The following SND1 variants were observed in gnomAD, a reference collection of about 807,000 sequenced individuals.
The protein encoded by SND1 is staphylococcal nuclease domain-containing protein 1.
A neutral mutation model predicts 121.7 loss-of-function variants in SND1; 38 were observed. The ratio of observed to expected loss-of-function variants is 0.31; its 90% CI spans 0.24 to 0.41. The LOEUF is 0.41. Among genes scored for constraint, SND1 ranks in the 10% least tolerant of loss-of-function variants. The probability of loss-of-function intolerance (pLI) is 1.00; values close to 1 mark genes in which losing one functional copy is unlikely to be tolerated. For missense variants in SND1, 868 were observed against 1,184.6 expected (o/e 0.73, Z 3.92); for synonymous variants, 401 against 447.4 (o/e 0.90, Z 1.31).
intron 14 of SND1, among the ~76,000 whole-genome samples, chr7:127,906,761 C>T (rs1800350781): frequency 6.6e-6 from 1 of 152,184 alleles, no homozygotes. Context: ...CAGGGTTGTC[C>T]TCTCCACACC....
chr7:127,855,945 T>C (rs1799265102), intron 12 of SND1, among the ~76,000 whole-genome samples: 5 of 152,236 alleles, frequency 3.3e-5, no homozygotes, highest in Admixed American at 3.3e-4. Context: ...CATTGGATTA[T>C]GGTTGAGGAC....
intron 10 of SND1, among the ~76,000 whole-genome samples, chr7:127,750,483 G>T (rs34529483): frequency 6.6e-6 from 1 of 152,334 alleles, no homozygotes; most frequent in East Asian, 1.9e-4. Flanking sequence ...ACTACCCTCA[G>T]TGGGGTTGTG....
At chr7:127,789,778 G>A (rs1468853603) in intron 10 of SND1, among the ~76,000 whole-genome samples, 1 of 152,152 alleles carries the variant, frequency 6.6e-6, no homozygotes, top group Non-Finnish European at 1.5e-5. Flanking sequence ...TGTTTATGTT[G>A]TTGATCCTTC....
At chr7:127,700,995 G>A (rs1796090364) in intron 4 of SND1, among the ~76,000 whole-genome samples, 168 bp from the exon 5 acceptor site, 1 of 152,122 alleles carries the variant, frequency 6.6e-6, no homozygotes, top group South Asian at 2.1e-4. Flanking sequence ...TCTAGAAATT[G>A]CAATCATGGT....
chr7:127,981,057 ACTC>A (rs1194974235), intron 15 of SND1, among the ~76,000 whole-genome samples: 2 of 151,760 alleles, frequency 1.3e-5, no homozygotes, highest in African/African-American at 4.8e-5. Flanking sequence ...ATAGAAACCA[ACTC>A]CTCCTCCTTG....
At chr7:127,793,611 G>A (rs1797956113) in intron 10 of SND1, among the ~76,000 whole-genome samples, 1 of 152,092 alleles carries the variant, frequency 6.6e-6, no homozygotes, top group Admixed American at 6.5e-5. Flanking sequence ...TTGTTAAACA[G>A]GCACCATTTC....
chr7:127,691,554 A>C lies in SND1; in HGVS notation c.229-3274A>C, dbSNP rs1795915709. ...CGAGACTCCGTCTCAAAAATAAATA[A>C]ATAATTAAATAAAACAAACTAAAAG... is the stretch of plus-strand genomic sequence containing the variant. On this transcript the variant is annotated intron_variant, in intron 2 of 23. Coordinates refer to ENST00000354725, the MANE Select transcript of SND1 (RefSeq NM_014390.4). Among the ~76,000 whole-genome samples, 4 of 152,072 alleles carry C rather than the reference A, an allele frequency of 2.6e-5. No homozygotes were observed. In the South Asian group the frequency reaches 8.3e-4, roughly 32 times the overall value.
At chr7:127,960,621 T>C (rs540005389) in intron 15 of SND1, among the ~76,000 whole-genome samples, 146 of 152,354 alleles carry the variant, frequency 9.6e-4, no homozygotes, top group Non-Finnish European at 1.7e-3. Context: ...CATTCAGCTA[T>C]ATTCTGTAGC....
At chr7:127,834,576 AT>A (rs1201409405) in intron 11 of SND1, among the ~76,000 whole-genome samples, 1 of 152,282 alleles carries the variant, frequency 6.6e-6, no homozygotes, top group African/African-American at 2.4e-5. Context: ...ACCTTGCTTC[AT>A]TTAGTAGGCC....
At chr7:128,028,866 C>T (rs1792482687) in intron 16 of SND1, 2 of 1,614,188 alleles carry the variant, frequency 1.2e-6, no homozygotes, top group Non-Finnish European at 1.7e-6. Context: ...TGCCCCCTCA[C>T]CTGATACACC....
chr7:127,685,749 T>C (rs1222723934), intron 1 of SND1, among the ~76,000 whole-genome samples: 1 of 152,316 alleles, frequency 6.6e-6, no homozygotes, highest in Middle Eastern at 3.4e-3. Flanking sequence ...TTTAATCATG[T>C]AGGGCATGGG....
At chr7:127,735,920 G>A (rs1185039317) in intron 10 of SND1, among the ~76,000 whole-genome samples, 5 of 152,106 alleles carry the variant, frequency 3.3e-5, no homozygotes, top group African/African-American at 7.2e-5. Flanking sequence ...GTGGGCCACC[G>A]TGCCCAGCCT....
rs10579969 is a variant in SND1 at position 127,908,318 on chromosome 7, A to ATGTGTGTGTG, written c.1527+3532_1527+3541dup. Among the ~76,000 whole-genome samples the ATGTGTGTGTG allele has an allele frequency of 1.9e-3, 260 of 138,546 alleles. 4 individuals are homozygous for ATGTGTGTGTG. Among genetic ancestry groups the ATGTGTGTGTG allele is most frequent in the Non-Finnish European group, 6.6e-4 (43 of 64,772 alleles). 90.9% of individuals were successfully genotyped at this position (138,546 alleles called of 152,430 possible). Reference sequence around the variant, plus strand: ...TCTACCAAAAAAAAAATAATAATAAATGTGTGTGTGTGTGTGTGTGTGTGT... The same window carrying ATGTGTGTGTG: ...TCTACCAAAAAAAAAATAATAATAAATGTGTGTGTGTGTGTGTGTGTGTGTGTGTGTGTGT... On this transcript the variant is annotated intron_variant, in intron 14 of 23. Coordinates refer to ENST00000354725, the MANE Select transcript of SND1 (RefSeq NM_014390.4).
chr7:127,858,128 C>A, intron 12 of SND1: 1 of 866,500 alleles, frequency 1.2e-6, no homozygotes, highest in Non-Finnish European at 2.0e-6. Context: ...GCGAACATGT[C>A]TAGGGAGTGT....
intron 16 of SND1, among the ~76,000 whole-genome samples, chr7:128,021,783 G>A (rs1162046979): frequency 6.6e-6 from 1 of 152,214 alleles, no homozygotes; most frequent in Admixed American, 6.5e-5. Flanking sequence ...CTTCAAAATG[G>A]AGGGCCTCAT....
intron 16 of SND1, among the ~76,000 whole-genome samples, chr7:128,024,044 G>T (rs1188923745): frequency 7.2e-6 from 1 of 138,592 alleles, no homozygotes; most frequent in African/African-American, 2.9e-5. Context: ...GTCTGTGCTT[G>T]TAAGCACTAT....
intron 17 of SND1, among the ~76,000 whole-genome samples, chr7:128,075,578 G>A (rs1348990739): frequency 2.0e-5 from 3 of 152,224 alleles, no homozygotes; most frequent in Admixed American, 1.3e-4. Context: ...GGCATCTCTT[G>A]TCCCCTTGGG....
rs575345784 is a variant in SND1 at position 128,055,246 on chromosome 7, G to A, written c.1780-19256G>A. 9.8e-5 allele frequency among the ~76,000 whole-genome samples: 15 copies of A among 152,288 alleles called. No individual in the cohort carries two copies. The East Asian group carries it at 2.9e-3, about 29-fold the overall frequency. On this transcript the variant is annotated intron_variant, in intron 16 of 23. Transcript: ENST00000354725. The stretch of plus-strand genomic sequence containing the variant: ...TTCAGCCTTACCTTCTCCACAGCCT[G>A]TGCTCCTCCCCCTGGCAGCTCTGTA...
intron 10 of SND1, among the ~76,000 whole-genome samples, chr7:127,746,914 G>A (rs140039024): frequency 6.6e-6 from 1 of 152,308 alleles, no homozygotes; most frequent in Non-Finnish European, 1.5e-5. Context: ...TAAGTAGTCA[G>A]CATATGCTAG....
Sources: allele counts gnomAD v4.1 joint callset (sites outside exome capture counted in the v4.1 genomes callset), GRCh38; gene constraint gnomAD v4.1.1; transcripts MANE v1.5; gene names NCBI Gene and HGNC (gene_info 2026-07-23, HGNC 2026-07-21).